Variants in FHIT observed in about 807,000 individuals in gnomAD.
The protein encoded by FHIT is fragile histidine triad diadenosine triphosphatase, also known as bis(5'-adenosyl)-triphosphatase.
FHIT carries 19 observed loss-of-function variants against 17.9 expected under a neutral mutation model. The ratio of observed to expected loss-of-function variants is 1.06; its 90% confidence interval spans 0.74 to 1.56. The LOEUF (loss-of-function observed/expected upper bound fraction) is 1.56. Ranked by LOEUF, FHIT falls within the 40% of genes most tolerant of loss-of-function variation. The pLI is 0.00. For missense variants in FHIT, 248 were observed against 189.2 expected (o/e 1.31, Z -1.82); for synonymous variants, 81 against 69.7 (o/e 1.16, Z -0.81).
chr3:60,285,755 A>G (rs915905823), intron 5 of FHIT, among the ~76,000 whole-genome samples: 1 of 152,206 alleles, frequency 6.6e-6, no homozygotes, highest in South Asian at 2.1e-4. Flanking sequence ...CTAGAACTCT[A>G]TTTTTTAAAT....
chr3:61,117,481 T>C (rs761867967), intron 2 of FHIT, among the ~76,000 whole-genome samples: 2 of 152,154 alleles, frequency 1.3e-5, no homozygotes, highest in Non-Finnish European at 2.9e-5. Context: ...GTCTGTATGT[T>C]TTGTAATAAA....
At chr3:60,627,883 G>A (rs536278766) in intron 4 of FHIT, among the ~76,000 whole-genome samples, 2 of 152,116 alleles carry the variant, frequency 1.3e-5, no homozygotes, top group African/African-American at 4.8e-5. Flanking sequence ...TGCTTAGTCA[G>A]TCTAGGTAAA....
intron 3 of FHIT, among the ~76,000 whole-genome samples, chr3:60,925,840 T>G (rs1707574171): frequency 6.6e-6 from 1 of 151,824 alleles, no homozygotes; most frequent in Admixed American, 6.6e-5. Flanking sequence ...ACACATAGGC[T>G]CAAAATAAAT....
intron 4 of FHIT, among the ~76,000 whole-genome samples, chr3:60,801,003 G>C (rs1223447073): frequency 6.6e-6 from 1 of 152,118 alleles, no homozygotes; most frequent in Non-Finnish European, 1.5e-5. Context: ...TGGTGGTCTT[G>C]GTAGGGGACC....
chr3:60,375,530 A>G (rs1463188978), intron 5 of FHIT, among the ~76,000 whole-genome samples: 2 of 152,086 alleles, frequency 1.3e-5, no homozygotes. Context: ...AGCAGAGATC[A>G]CGCCACTGCA....
chr3:60,469,625 T>C (rs2032978657), intron 5 of FHIT, among the ~76,000 whole-genome samples: 1 of 152,176 alleles, frequency 6.6e-6, no homozygotes, highest in Admixed American at 6.5e-5. Flanking sequence ...AAAGCTCACA[T>C]ATCTCTCTCT....
chr3:60,831,727 A>G (rs1225036540), intron 3 of FHIT, among the ~76,000 whole-genome samples: 1 of 152,060 alleles, frequency 6.6e-6, no homozygotes, highest in Non-Finnish European at 1.5e-5. Context: ...ACATAAGAGA[A>G]AAGCAGTTGA....
intron 2 of FHIT, among the ~76,000 whole-genome samples, chr3:61,160,906 TC>T: frequency 6.6e-6 from 1 of 152,324 alleles, no homozygotes; most frequent in East Asian, 1.9e-4. Flanking sequence ...AATTGTCCAG[TC>T]TATTCAATCT....
At chr3:60,688,087 AT>A (rs1559640964) in intron 4 of FHIT, among the ~76,000 whole-genome samples, 1 of 151,962 alleles carries the variant, frequency 6.6e-6, no homozygotes, top group African/African-American at 2.4e-5. Context: ...CTACAGTTAG[AT>A]TTTGCTTTTT....
At chr3:60,030,377 G>C (rs935005494) in intron 5 of FHIT, among the ~76,000 whole-genome samples, 8 of 152,178 alleles carry the variant, frequency 5.3e-5, no homozygotes, top group Admixed American at 6.5e-5. Flanking sequence ...TCTGCCGCTG[G>C]TCCAGAAGCT....
intron 4 of FHIT, among the ~76,000 whole-genome samples, chr3:60,814,515 C>A (rs138267647): frequency 6.6e-6 from 1 of 152,110 alleles, no homozygotes; most frequent in East Asian, 1.9e-4. Flanking sequence ...GCTGCATCCA[C>A]GTGGCTGCAA....
chr3:60,226,472 C>CA (rs1189100387), intron 5 of FHIT, among the ~76,000 whole-genome samples: 1,562 of 69,720 alleles, frequency 0.022, 30 homozygotes, highest in East Asian at 0.035. Context: ...AACTCCGTCT[C>CA]AAAAAAAAAA....
intron 5 of FHIT, among the ~76,000 whole-genome samples, chr3:60,208,407 A>T (rs1010158850): frequency 6.6e-6 from 1 of 152,228 alleles, no homozygotes; most frequent in Non-Finnish European, 1.5e-5. Context: ...CTGAAATTAG[A>T]TATTGACATT....
At chr3:59,754,646 A>C (rs896263812) in intron 8 of FHIT, among the ~76,000 whole-genome samples, 3 of 152,208 alleles carry the variant, frequency 2.0e-5, no homozygotes, top group African/African-American at 4.8e-5. Context: ...AGAGGAATCC[A>C]AATAATTTAG....
intron 7 of FHIT, among the ~76,000 whole-genome samples, chr3:59,923,348 C>T (rs1197653013): frequency 6.6e-6 from 1 of 151,596 alleles, no homozygotes; most frequent in Non-Finnish European, 1.5e-5. Flanking sequence ...AAGTCAGCAC[C>T]GGAAATGAGG....
chr3:60,845,609 T>G lies in FHIT; in HGVS notation c.-110-23598A>C, dbSNP rs563536161. On this transcript the variant is annotated intron_variant, in intron 3 of 9. Coordinates refer to ENST00000492590, the MANE Select transcript of FHIT (RefSeq NM_002012.4). ...GATGCTATCTTAAGATTGAACCACA[T>G]GGGGCCCCAGAATTTATTTAGGTTA... 3.3e-5 allele frequency among the ~76,000 whole-genome samples: 5 copies of G among 152,278 alleles called. 1 individual carries two copies. The highest frequency in any genetic ancestry group is 2.6e-4 in the Admixed American group (4 of 15,300).
chr3:60,782,153 G>T (rs375773375), intron 4 of FHIT, among the ~76,000 whole-genome samples: 2 of 152,026 alleles, frequency 1.3e-5, no homozygotes, highest in South Asian at 2.1e-4. Context: ...CATAATGTCT[G>T]CTTGGTCCAC....
intron 5 of FHIT, among the ~76,000 whole-genome samples, chr3:60,423,469 T>C (rs1271614673): frequency 6.6e-6 from 1 of 152,108 alleles, no homozygotes; most frequent in African/African-American, 2.4e-5. Flanking sequence ...CAGGAGAATA[T>C]GTGAAAATTA....
At chr3:60,903,230 A>G (rs1451972080) in intron 3 of FHIT, among the ~76,000 whole-genome samples, 3 of 152,228 alleles carry the variant, frequency 2.0e-5, no homozygotes, top group Admixed American at 6.5e-5. Context: ...ATAAGGATCA[A>G]TGCAGAACTC....
Sources: allele counts gnomAD v4.1 joint callset (sites outside exome capture counted in the v4.1 genomes callset), GRCh38; gene constraint gnomAD v4.1.1; transcripts MANE v1.5; gene names NCBI Gene and HGNC (gene_info 2026-07-23, HGNC 2026-07-21).